Variants in PTPRB observed in about 807,000 individuals in gnomAD.
The protein encoded by PTPRB is protein tyrosine phosphatase receptor type B, also known as receptor-type tyrosine-protein phosphatase beta.
PTPRB carries 97 observed loss-of-function variants against 238.1 expected under a neutral mutation model. The observed-to-expected ratio is 0.41, with a 90% CI of 0.35 to 0.48. The LOEUF (loss-of-function observed/expected upper bound fraction) is 0.48. PTPRB is among the 20% of genes least tolerant of loss of function. The pLI is 0.30. For missense variants in PTPRB, 2,292 were observed against 2,681.9 expected (o/e 0.85, Z 3.21); for synonymous variants, 970 against 995.4 (o/e 0.97, Z 0.48).
intron 1 of PTPRB, among the ~76,000 whole-genome samples, chr12:70,637,095 A>G (rs1332138148): frequency 6.6e-6 from 1 of 152,270 alleles, no homozygotes; most frequent in East Asian, 1.9e-4. Context: ...CTCTGCTCTA[A>G]ATGTATCATT....
chr12:70,552,764 T>C lies in PTPRB; in HGVS notation c.5387+13A>G. 1 of 1,613,536 alleles carries C rather than the reference T, an allele frequency of 6.2e-7. No homozygotes were observed. Among genetic ancestry groups the C allele is most frequent in the Non-Finnish European group, 8.5e-7 (1 of 1,179,634 alleles). ...CATGTCCCTTCTAGCAAAACAGTGGTAATATATCTAACCTGTAGGCAGTGT... is the reference window on the plus strand; with the variant it reads ...CATGTCCCTTCTAGCAAAACAGTGGCAATATATCTAACCTGTAGGCAGTGT... On this transcript the variant is annotated intron_variant, in intron 21 of 33. Coordinates refer to ENST00000334414, the MANE Select transcript of PTPRB (RefSeq NM_001109754.4).
Position 70,590,241 on chromosome 12 carries a change from G to A in PTPRB, c.1781-8C>T. ...TTGCAACTTTGTCTGGAACTAAACG[G>A]TGAAATGATGTCAAAAAGGAGATAT... On this transcript the variant is annotated splice_polypyrimidine_tract_variant and splice_region_variant and intron_variant, in intron 7 of 33. Transcript: ENST00000334414. 1.3e-6 allele frequency: 2 copies of A among 1,531,876 alleles called. No homozygotes were observed. The highest frequency in any genetic ancestry group is 1.3e-5 in the South Asian group (1 of 76,742). The allele number at this position is 1,531,876 out of a possible 1,614,324, so 94.9% of individuals were successfully genotyped here.
chr12:70,586,943 G>A (rs1881973312), intron 9 of PTPRB, 64 bp downstream of exon 9: 2 of 1,467,452 alleles, frequency 1.4e-6, no homozygotes, highest in South Asian at 1.3e-5. Context: ...CTTGTAAATT[G>A]CATGTTAAAT....
In PTPRB at chr12:70,539,771, T is replaced by C; in HGVS notation, c.5696+56A>G. Reference sequence around the variant, plus strand: ...AGAAAAGGGAAAGTGCCATAACTATTCTGACTCATATTTCAAAGGCAGATA... The same window carrying C: ...AGAAAAGGGAAAGTGCCATAACTATCCTGACTCATATTTCAAAGGCAGATA... On this transcript the variant is annotated intron_variant, in intron 25 of 33. Coordinates refer to ENST00000334414, the MANE Select transcript of PTPRB (RefSeq NM_001109754.4). 4 of 1,595,634 alleles carry C rather than the reference T, an allele frequency of 2.5e-6. No homozygotes were observed. The South Asian group carries it at 3.3e-5, about 13-fold the overall frequency.
intron 21 of PTPRB, among the ~76,000 whole-genome samples, chr12:70,547,008 CTTT>C (rs34760484): frequency 1.4e-5 from 2 of 146,484 alleles, no homozygotes; most frequent in African/African-American, 5.0e-5. Context: ...AGAAGTACTC[CTTT>C]TTTTTTTTGT....
intron 2 of PTPRB, among the ~76,000 whole-genome samples, chr12:70,629,402 A>G (rs990475071): frequency 3.9e-5 from 6 of 152,224 alleles, no homozygotes; most frequent in Non-Finnish European, 8.8e-5. Context: ...AACCAATGAG[A>G]ACAAAGACAC....
rs773185635 is a variant in PTPRB, at chr12:70,571,326, A to AC, written c.3107-38dup. ...AATGAGAAGACATTTCAGGAAAGGA[A>AC]CTGATCAGAGTTTACCTACATAATA... On this transcript the variant is annotated intron_variant, in intron 12 of 33. Coordinates refer to ENST00000334414, the MANE Select transcript of PTPRB (RefSeq NM_001109754.4). 3.7e-5 allele frequency: 56 copies of AC among 1,532,856 alleles called. No homozygotes were observed. In the South Asian group the frequency reaches 5.9e-4, roughly 16 times the overall value. The allele number at this position is 1,532,856 out of a possible 1,614,324, so 95.0% of individuals were successfully genotyped here.
chr12:70,523,245 C>G (rs1248205844), intron 33 of PTPRB, among the ~76,000 whole-genome samples: 1 of 152,024 alleles, frequency 6.6e-6, no homozygotes, highest in Non-Finnish European at 1.5e-5. Flanking sequence ...GCCTTCAACT[C>G]CTGGGCTCAA....
intron 18 of PTPRB, chr12:70,558,649 C>A (rs1329353867): frequency 1.3e-5 from 2 of 153,996 alleles, no homozygotes; most frequent in African/African-American, 4.8e-5. Flanking sequence ...TAACTATGAT[C>A]CCTCTGCTTC....
At chr12:70,597,267 G>A (rs951053600) in intron 4 of PTPRB, among the ~76,000 whole-genome samples, 3 of 152,106 alleles carry the variant, frequency 2.0e-5, no homozygotes, top group African/African-American at 4.8e-5. Context: ...GGGCACTTTG[G>A]TGCTGCCAGA....
At chr12:70,565,059 T>A (rs561446320) in intron 15 of PTPRB, among the ~76,000 whole-genome samples, 29 of 152,220 alleles carry the variant, frequency 1.9e-4, no homozygotes, top group African/African-American at 5.8e-4. Flanking sequence ...GGAGTTTTTT[T>A]ATTCACTTCT....
rs1308395527 is a variant in PTPRB, at chr12:70,592,565, A to G, written c.1517-20T>C. 1.2e-6 allele frequency: 2 copies of G among 1,606,006 alleles called. No individual in the cohort carries two copies. Among genetic ancestry groups the G allele is most frequent in the South Asian group, 2.2e-5 (2 of 89,726 alleles). The stretch of plus-strand genomic sequence containing the variant: ...TGGGGGCTAATCAGGAAAGAACAGA[A>G]AGGAGACTTTTACTCAGGATCTCTC... On this transcript the variant is annotated intron_variant, in intron 6 of 33. Transcript: ENST00000334414.
At chr12:70,529,828 GAGAC>G (rs1265974835) in intron 32 of PTPRB, among the ~76,000 whole-genome samples, 2 of 152,134 alleles carry the variant, frequency 1.3e-5, no homozygotes, top group African/African-American at 4.8e-5. Flanking sequence ...CGCTGAAAGA[GAGAC>G]AGACATGGTG....
In PTPRB at chr12:70,587,023, T is replaced by A; in HGVS notation, c.2295A>T (p.Ser765=). 6.2e-7 allele frequency: 1 copy of A among 1,613,506 alleles called. No homozygotes were observed. The highest frequency in any genetic ancestry group is 8.5e-7 in the Non-Finnish European group (1 of 1,179,516). ...SISGDLKNSS[S]VKGRTVPAQV... ...GGTTACTACCTGTTCTTCCTTTTAC[T>A]GAAGAGGAATTTTTTAAGTCTCCAC... Residue 765 remains serine, a synonymous_variant, in exon 9 of 34, where the codon TCA becomes TCT. Transcript: ENST00000334414.
At chr12:70,553,615 CTG>C (rs1409658376) in intron 20 of PTPRB, among the ~76,000 whole-genome samples, 7 of 152,178 alleles carry the variant, frequency 4.6e-5, no homozygotes, top group African/African-American at 1.4e-4. Context: ...ACCCAGCCTG[CTG>C]TGTGTTTTGG....
chr12:70,623,338 G>T (rs768680909), intron 2 of PTPRB, among the ~76,000 whole-genome samples: 4 of 152,024 alleles, frequency 2.6e-5, no homozygotes, highest in Non-Finnish European at 5.9e-5. Context: ...AGGCTGAATT[G>T]CCCATATTAA....
At chr12:70,607,730 T>A (rs1269663758) in intron 4 of PTPRB, among the ~76,000 whole-genome samples, 1 of 151,856 alleles carries the variant, frequency 6.6e-6, no homozygotes, top group East Asian at 1.9e-4. Context: ...TTGTTTTATT[T>A]TTAGTAGAGA....
intron 33 of PTPRB, among the ~76,000 whole-genome samples, 159 bp from the exon 34 acceptor site, chr12:70,521,670 G>A (rs1468372966): frequency 1.3e-5 from 2 of 152,192 alleles, no homozygotes; most frequent in Admixed American, 1.3e-4. Context: ...ATTCCATTTA[G>A]AAAGACAGAT....
chr12:70,607,440 T>A (rs977997622), intron 4 of PTPRB, among the ~76,000 whole-genome samples: 1 of 152,318 alleles, frequency 6.6e-6, no homozygotes, highest in Non-Finnish European at 1.5e-5. Context: ...ACCAACAACA[T>A]TTGGACTAAA....
Sources: allele counts gnomAD v4.1 joint callset (sites outside exome capture counted in the v4.1 genomes callset), GRCh38; gene constraint gnomAD v4.1.1; transcripts MANE v1.5; gene names NCBI Gene and HGNC (gene_info 2026-07-23, HGNC 2026-07-21).